Variants in ATP6V1H observed in about 807,000 individuals in gnomAD.
ATP6V1H encodes V-type proton ATPase subunit H.
ATP6V1H carries 39 observed loss-of-function variants against 71.7 expected under a neutral mutation model. That is an observed-to-expected ratio of 0.54 (90% CI 0.42 to 0.71). The LOEUF is 0.71. ATP6V1H is among the 30% of genes least tolerant of loss of function. The probability of loss-of-function intolerance (pLI) is 0.00; values close to 1 mark genes in which losing one functional copy is unlikely to be tolerated. For synonymous variants in ATP6V1H, 192 were observed against 199.3 expected (o/e 0.96, Z 0.31); for missense variants, 509 against 594.9 (o/e 0.86, Z 1.50).
intron 9 of ATP6V1H, among the ~76,000 whole-genome samples, chr8:53,787,198 A>G (rs1321975409): frequency 6.6e-6 from 1 of 152,212 alleles, no homozygotes; most frequent in African/African-American, 2.4e-5. Context: ...CAAAATTTAA[A>G]AAGTCTCAGT....
intron 11 of ATP6V1H, among the ~76,000 whole-genome samples, chr8:53,761,094 T>C (rs796383031): frequency 3.9e-5 from 6 of 152,272 alleles, no homozygotes; most frequent in African/African-American, 1.4e-4. Flanking sequence ...CCCAGCACTT[T>C]GGGAGGCCGA....
chr8:53,837,174 G>C (rs1386862633), intron 2 of ATP6V1H, among the ~76,000 whole-genome samples: 7 of 151,742 alleles, frequency 4.6e-5, no homozygotes, highest in Admixed American at 2.0e-4. Context: ...GAATAGGATA[G>C]AAAAACCTAT....
At chr8:53,834,140 C>T (rs1475942349) in intron 2 of ATP6V1H, among the ~76,000 whole-genome samples, 1 of 152,114 alleles carries the variant, frequency 6.6e-6, no homozygotes, top group Admixed American at 6.6e-5. Context: ...CTTTAAGCCA[C>T]CAGTATGGTA....
intron 12 of ATP6V1H, among the ~76,000 whole-genome samples, chr8:53,750,533 G>A (rs536239198): frequency 7.2e-5 from 11 of 152,246 alleles, no homozygotes; most frequent in Admixed American, 2.6e-4. Flanking sequence ...TTCCAAGAAC[G>A]TATGGATGAT....
At chr8:53,790,140 A>G (rs1187329637) in intron 9 of ATP6V1H, among the ~76,000 whole-genome samples, 2 of 152,212 alleles carry the variant, frequency 1.3e-5, no homozygotes, top group Admixed American at 6.5e-5. Context: ...TTTCTGTTAT[A>G]TGTTCATCTA....
rs1314713565 is a variant in ATP6V1H, at chr8:53,811,199, C to A, written c.544G>T (p.Val182Phe). The change falls in exon 7 of 14, where the codon GTT becomes TTT. Residue 182 changes from valine to phenylalanine, a missense_variant. Val to Phe is a conservative substitution (Grantham distance 50). Transcript: ENST00000359530. ...GAGACTGTTCCTGTTTCAACAGCAA[C>A]ACCGCTACCACGCAGTTTCTATTAC... The part of the protein sequence containing the change: ...LSSQKLRGSG[V>F]AVETGTVSSS... 5.6e-6 allele frequency: 9 copies of A among 1,613,386 alleles called. No individual in the cohort carries two copies. In the East Asian group the frequency reaches 1.8e-4, roughly 32 times the overall value.
intron 4 of ATP6V1H, among the ~76,000 whole-genome samples, chr8:53,829,182 C>T (rs772199221): frequency 2.0e-5 from 3 of 152,070 alleles, no homozygotes; most frequent in South Asian, 4.1e-4. Flanking sequence ...GCTTTGCTGG[C>T]GTTCAACAAA....
rs1585781890 is a variant in ATP6V1H at position 53,782,611 on chromosome 8, T to A, written c.871-10444A>T. 1.3e-4 allele frequency among the ~76,000 whole-genome samples: 20 copies of A among 152,282 alleles called. No individual in the cohort carries two copies. In the South Asian group the frequency reaches 3.7e-3, roughly 28 times the overall value. ...GGAGTGGTGAGAGAGGGCATCCCTG[T>A]CTTGTGCCAGTTTTCAAAGGGAATG... On this transcript the variant is annotated intron_variant, in intron 9 of 13. Transcript: ENST00000359530.
chr8:53,810,111 A>G (rs1810225545), intron 7 of ATP6V1H, among the ~76,000 whole-genome samples: 1 of 152,234 alleles, frequency 6.6e-6, no homozygotes, highest in Non-Finnish European at 1.5e-5. Context: ...TGGCTCCTAC[A>G]GAGCTTCACT....
At chr8:53,838,893 T>C (rs1266265087) in intron 2 of ATP6V1H, among the ~76,000 whole-genome samples, 1 of 152,248 alleles carries the variant, frequency 6.6e-6, no homozygotes. Context: ...TGATTCTTCA[T>C]GTGTTGGTTC....
At chr8:53,734,341 T>C (rs1222481903) in intron 13 of ATP6V1H, among the ~76,000 whole-genome samples, 1 of 152,122 alleles carries the variant, frequency 6.6e-6, no homozygotes, top group East Asian at 1.9e-4. Context: ...CTGGGAGCTG[T>C]ATGTGGATGG....
intron 4 of ATP6V1H, among the ~76,000 whole-genome samples, chr8:53,827,314 C>G (rs999483248): frequency 6.6e-6 from 1 of 151,658 alleles, no homozygotes; most frequent in East Asian, 1.9e-4. Flanking sequence ...ACCCAGGGGG[C>G]AGAGGTTGCA....
intron 8 of ATP6V1H, among the ~76,000 whole-genome samples, chr8:53,801,157 A>G (rs1019306123): frequency 6.6e-6 from 1 of 152,218 alleles, no homozygotes; most frequent in African/African-American, 2.4e-5. Context: ...TAAGAGTCCA[A>G]TGCTTGCTTT....
intron 2 of ATP6V1H, among the ~76,000 whole-genome samples, chr8:53,835,992 C>T (rs1301819741): frequency 6.6e-6 from 1 of 152,170 alleles, no homozygotes; most frequent in East Asian, 1.9e-4. Context: ...CCTACAGGCG[C>T]AGAACTAAGA....
chr8:53,799,333 T>C (rs1809839538), intron 8 of ATP6V1H, among the ~76,000 whole-genome samples: 1 of 152,160 alleles, frequency 6.6e-6, no homozygotes, highest in Non-Finnish European at 1.5e-5. Context: ...AAGTTAGAGA[T>C]TGATGGAATC....
intron 9 of ATP6V1H, among the ~76,000 whole-genome samples, chr8:53,781,974 T>C (rs1487270788): frequency 6.6e-6 from 1 of 152,256 alleles, no homozygotes; most frequent in Non-Finnish European, 1.5e-5. Flanking sequence ...TCAGGTAGCA[T>C]GATGCCTCCA....
rs545755056 is a variant in ATP6V1H at position 53,835,864 on chromosome 8, C to CCTCAGCT, written c.114-2785_114-2779dup. Reference sequence around the variant, plus strand: ...TCACTCATCTTCACTGCCTCCTGTGCCTCAGCTACTATGAAAAGCTCTCTT... The same window carrying CCTCAGCT: ...TCACTCATCTTCACTGCCTCCTGTGCCTCAGCTCTCAGCTACTATGAAAAGCTCTCTT... On this transcript the variant is annotated intron_variant, in intron 2 of 13. Transcript: ENST00000359530. Among the ~76,000 whole-genome samples the CCTCAGCT allele has an allele frequency of 2.3e-3, 344 of 152,230 alleles. 2 individuals carry two copies. Among genetic ancestry groups the CCTCAGCT allele is most frequent in the African/African-American group, 7.9e-3 (327 of 41,530 alleles).
chr8:53,732,082 T>C (rs1807045632), intron 13 of ATP6V1H, among the ~76,000 whole-genome samples: 1 of 152,228 alleles, frequency 6.6e-6, no homozygotes, highest in African/African-American at 2.4e-5. Context: ...GTGCCTTTAT[T>C]GGCACTTTGG....
At chr8:53,807,391 G>A (rs1244734105) in intron 7 of ATP6V1H, among the ~76,000 whole-genome samples, 1 of 151,970 alleles carries the variant, frequency 6.6e-6, no homozygotes, top group Non-Finnish European at 1.5e-5. Context: ...CCTGAGGTCA[G>A]GCGTTCGAGA....
Sources: allele counts gnomAD v4.1 joint callset (sites outside exome capture counted in the v4.1 genomes callset), GRCh38; gene constraint gnomAD v4.1.1; transcripts MANE v1.5; gene names NCBI Gene and HGNC (gene_info 2026-07-23, HGNC 2026-07-21).